The following TOP3B variants were observed in gnomAD, a reference collection of about 807,000 sequenced individuals.
TOP3B encodes the protein DNA topoisomerase III beta, also known as DNA topoisomerase 3-beta-1.
Under a neutral mutation model 93.9 loss-of-function variants are expected in TOP3B, and 45 were observed. The observed-to-expected ratio is 0.48, with a 90% CI of 0.38 to 0.61. TOP3B has a LOEUF of 0.61. Ranked by LOEUF, TOP3B falls within the 20% of genes least tolerant of loss-of-function variation. The pLI is 0.00. For synonymous variants in TOP3B, 357 were observed against 472.6 expected (o/e 0.76, Z 3.17); for missense variants, 750 against 1,156.1 (o/e 0.65, Z 5.09).
chr22:21,962,280 C>T (rs746634864), intron 13 of TOP3B, 149 bp downstream of exon 13: 3 of 1,587,592 alleles, frequency 1.9e-6, no homozygotes, highest in Admixed American at 1.7e-5. Context: ...GCCTGGCTGG[C>T]CACACACTGG....
intron 8 of TOP3B, chr22:21,965,847 G>C (rs2071396462): frequency 6.4e-6 from 1 of 155,432 alleles, no homozygotes; most frequent in Non-Finnish European, 1.4e-5. Flanking sequence ...CTGGGTGACA[G>C]AGCAAGACTC....
chr22:21,980,974 A>G (rs976674253), intron 1 of TOP3B, among the ~76,000 whole-genome samples: 8 of 152,228 alleles, frequency 5.3e-5, no homozygotes, highest in African/African-American at 1.9e-4. Context: ...TTCTACCAAA[A>G]TCAGAGGCCC....
At chr22:21,974,151 G>C (rs1163095238) in intron 3 of TOP3B, 1 of 531,472 alleles carries the variant, frequency 1.9e-6, no homozygotes, top group Non-Finnish European at 3.3e-6. Context: ...GTGCCGCTAT[G>C]ATGGGGACCC....
At chr22:21,964,340 A>G in intron 9 of TOP3B, 25 bp from the exon 10 acceptor site, 18 of 1,611,226 alleles carry the variant, frequency 1.1e-5, no homozygotes, top group Non-Finnish European at 1.5e-5. Context: ...AGGTTCTCAG[A>G]GGGCCAGGTA....
At chr22:21,962,234 A>G in intron 13 of TOP3B, 195 bp downstream of exon 13, 1 of 1,527,182 alleles carries the variant, frequency 6.5e-7, no homozygotes, top group Non-Finnish European at 8.8e-7. Flanking sequence ...CAGGTCCTGA[A>G]TGGAGGCCTC....
chr22:21,971,098 C>T lies in TOP3B; in HGVS notation c.385-692G>A, dbSNP rs2071619267. On this transcript the variant is annotated intron_variant, in intron 5 of 17. Coordinates refer to ENST00000357179, the MANE Select transcript of TOP3B (RefSeq NM_001282112.2). The surrounding 1 kb of genome is among the most constrained non-coding windows in gnomAD (Gnocchi z 4.6). ...AAGCCCCATGAGCTGCCCCCATTCT[C>T]CATTCCCAGATGCAAAGGCCCCCAG... 4 of 1,288,124 alleles carry T rather than the reference C, an allele frequency of 3.1e-6. No homozygotes were observed. The highest frequency in any genetic ancestry group is 4.1e-6 in the Non-Finnish European group (4 of 976,292). The allele number at this position is 1,288,124 out of a possible 1,614,324, so 79.8% of individuals were successfully genotyped here. A position where few individuals can be genotyped will look rare whatever the true frequency, so the allele number is the denominator to read the frequency against.
chr22:21,977,448 G>C (rs149102379), intron 1 of TOP3B: 1 of 144,852 alleles, frequency 6.9e-6, no homozygotes, highest in East Asian at 2.1e-4. Context: ...AGAATCGCTC[G>C]AACTCAGGAA....
At chr22:21,979,939 TC>T (rs1299263441) in intron 1 of TOP3B, among the ~76,000 whole-genome samples, 1 of 61,304 alleles carries the variant, frequency 1.6e-5, no homozygotes, top group Admixed American at 2.5e-4. Context: ...AGACTCCATC[TC>T]CAAAAAAAAA....
intron 13 of TOP3B, chr22:21,960,885 A>C: frequency 1.1e-5 from 2 of 183,042 alleles, no homozygotes; most frequent in African/African-American, 2.3e-5. Context: ...CCTCCCCTAA[A>C]CCTGGACAAT....
Position 21,967,586 on chromosome 22 carries a change from G to A in TOP3B, c.852+17C>T. 1 of 1,605,742 alleles carries A rather than the reference G, an allele frequency of 6.2e-7. No homozygotes were observed. Among genetic ancestry groups the A allele is most frequent in the Non-Finnish European group, 8.5e-7 (1 of 1,172,462 alleles). On this transcript the variant is annotated intron_variant, in intron 8 of 17. Coordinates refer to ENST00000357179, the MANE Select transcript of TOP3B (RefSeq NM_001282112.2). ...CACCCAAGGCAACTGTGATAGATGTGGGTGGAGCAGGCACACCTGGGCTTC... is the reference window on the plus strand; with the variant it reads ...CACCCAAGGCAACTGTGATAGATGTAGGTGGAGCAGGCACACCTGGGCTTC...
chr22:21,974,893 C>G (rs1008821919), intron 2 of TOP3B: 3 of 163,262 alleles, frequency 1.8e-5, no homozygotes, highest in Admixed American at 1.2e-4. Flanking sequence ...GAATTCTCAC[C>G]CTCTCCACTG....
intron 14 of TOP3B, chr22:21,960,004 C>T (rs139072321): frequency 9.6e-4 from 591 of 616,416 alleles, no homozygotes; most frequent in Non-Finnish European, 1.3e-3. Flanking sequence ...AGCTCCAGGC[C>T]GCCCTTGGGC....
Position 21,964,203 on chromosome 22 carries a change from G to C in TOP3B, c.1056C>G (p.Gly352=), listed in dbSNP as rs748428059. The change falls in exon 10 of 18, where the codon GGC becomes GGG. Residue 352 remains glycine (G), a synonymous_variant. Coordinates refer to ENST00000357179, the MANE Select transcript of TOP3B (RefSeq NM_001282112.2). ...GGTGGTTGGCCTGCTGCCGCAGAGA[G>C]CCCTTCAGGTCAAAGTTCTCAGGGT... ...THYPENFDLK[G]SLRQQANHPY... is the part of the protein sequence containing the mutation. 11 of 1,614,078 alleles carry C rather than the reference G, an allele frequency of 6.8e-6. No individual in the cohort carries two copies. In the Admixed American group the frequency reaches 1.5e-4, roughly 22 times the overall value.
rs1170654392 is a variant in TOP3B, at chr22:21,959,716, T to C, written c.1675A>G (p.Thr559Ala). 6.2e-7 allele frequency: 1 copy of C among 1,613,278 alleles called. No individual in the cohort carries two copies. Among genetic ancestry groups the C allele is most frequent in the Non-Finnish European group, 8.5e-7 (1 of 1,179,876 alleles). Reference protein sequence around the residue: ...YKIDAELVLPTIRSAVEKQLN... With the variant: ...YKIDAELVLPAIRSAVEKQLN... ...TGCTTCTCCACTGCACTGCGGATGG[T>C]GGGGAGCACCAGCTCTGCATCTGCA... The change falls in exon 15 of 18, where the codon ACC becomes GCC. Residue 559 changes from threonine to alanine, a missense_variant. Physicochemically the swap from Thr to Ala is moderately conservative, Grantham distance 58 (BLOSUM62 0). This residue lies in a region of TOP3B where 737 missense variants were observed against 933.7 expected (regional missense o/e 0.79). Coordinates refer to ENST00000357179, the MANE Select transcript of TOP3B (RefSeq NM_001282112.2).
chr22:21,961,978 T>C (rs1009359921), intron 13 of TOP3B: 19 of 562,704 alleles, frequency 3.4e-5, no homozygotes, highest in Non-Finnish European at 4.8e-5. Flanking sequence ...TGGTCACCCT[T>C]TGGGGAGCCC....
At chr22:21,962,943 C>A in intron 11 of TOP3B, 50 bp from the exon 12 acceptor site, 1 of 1,599,256 alleles carries the variant, frequency 6.3e-7, no homozygotes, top group South Asian at 1.1e-5. Flanking sequence ...GGGCTCTGGC[C>A]GTGAGGAGCC....
chr22:21,971,083 A>T lies in TOP3B; in HGVS notation c.385-677T>A. On this transcript the variant is annotated intron_variant, in intron 5 of 17. Coordinates refer to ENST00000357179, the MANE Select transcript of TOP3B (RefSeq NM_001282112.2). The surrounding 1 kb of genome is among the most constrained non-coding windows in gnomAD (Gnocchi z 4.6). ...ATTTCTGAAGGGAGAAAGCCCCATGAGCTGCCCCCATTCTCCATTCCCAGA... is the reference window on the plus strand; with the variant it reads ...ATTTCTGAAGGGAGAAAGCCCCATGTGCTGCCCCCATTCTCCATTCCCAGA... 7.7e-7 allele frequency: 1 copy of T among 1,300,578 alleles called. No homozygotes were observed. Among genetic ancestry groups the T allele is most frequent in the Non-Finnish European group, 1.0e-6 (1 of 986,228 alleles). The allele number at this position is 1,300,578 out of a possible 1,614,324, so 80.6% of individuals were successfully genotyped here.
At chr22:21,980,752 G>A (rs539422009) in intron 1 of TOP3B, among the ~76,000 whole-genome samples, 2 of 152,342 alleles carry the variant, frequency 1.3e-5, no homozygotes, top group Admixed American at 6.5e-5. Context: ...CTTCGGCCTA[G>A]GCCACTTTTC....
intron 9 of TOP3B, 43 bp from the exon 10 acceptor site, chr22:21,964,358 A>T: frequency 6.2e-7 from 1 of 1,606,516 alleles, no homozygotes; most frequent in South Asian, 1.1e-5. Context: ...GTACGTGGGG[A>T]TGGCCAGCTG....
Sources: allele counts gnomAD v4.1 joint callset (sites outside exome capture counted in the v4.1 genomes callset), GRCh38; gene constraint gnomAD v4.1.1; regional missense constraint gnomAD v4.1.1; non-coding constraint Gnocchi (gnomAD v3.1); transcripts MANE v1.5; gene names NCBI Gene and HGNC (gene_info 2026-07-23, HGNC 2026-07-21).